The following OTUD7A variants were observed in gnomAD, a reference collection of about 807,000 sequenced individuals.
OTUD7A encodes OTU deubiquitinase 7A, also known as OTU domain-containing protein 7A.
A neutral mutation model predicts 65.7 loss-of-function variants in OTUD7A; 12 were observed. The ratio of observed to expected loss-of-function variants is 0.18; its 90% CI spans 0.12 to 0.30. The LOEUF (loss-of-function observed/expected upper bound fraction) is 0.30, where lower values mean the gene tolerates loss of function less well. OTUD7A is among the 10% of genes least tolerant of loss of function. The pLI, the probability that OTUD7A is intolerant of heterozygous loss-of-function variation, is 1.00. For missense variants in OTUD7A, 1,148 were observed against 1,304.8 expected, an observed-to-expected ratio of 0.88 and a Z score of 1.85; for synonymous variants, 641 against 586.3, an observed-to-expected ratio of 1.09 and a Z score of -1.35.
chr15:31,861,081 G>A (rs1897729346), intron 1 of OTUD7A, among the ~76,000 whole-genome samples: 1 of 152,004 alleles, frequency 6.6e-6, no homozygotes, highest in African/African-American at 2.4e-5. Context: ...GCATTGAGCA[G>A]GGCTTCCCTT....
intron 3 of OTUD7A, among the ~76,000 whole-genome samples, chr15:31,590,572 A>G (rs986625470): frequency 3.9e-5 from 6 of 152,236 alleles, no homozygotes; most frequent in Admixed American, 6.5e-5. Context: ...CTTATTCCAC[A>G]GACGAAATTA....
chr15:31,648,784 T>C (rs1405584356), intron 3 of OTUD7A, among the ~76,000 whole-genome samples: 1 of 152,174 alleles, frequency 6.6e-6, no homozygotes, highest in East Asian at 1.9e-4. Context: ...GTTTTCAAGA[T>C]GGAGTCTCGC....
chr15:31,870,072 T>G (rs1897985192), intron 1 of OTUD7A, among the ~76,000 whole-genome samples: 1 of 150,256 alleles, frequency 6.7e-6, no homozygotes, highest in African/African-American at 2.4e-5. Flanking sequence ...GGCCGGGCCC[T>G]GCCCGGCCGT....
intron 3 of OTUD7A, among the ~76,000 whole-genome samples, chr15:31,608,603 C>A (rs1890304735): frequency 6.6e-6 from 1 of 152,152 alleles, no homozygotes; most frequent in Non-Finnish European, 1.5e-5. Flanking sequence ...CATCCTAAAT[C>A]AAAAATACTG....
chr15:31,670,950 GCA>G (rs1401851482), intron 1 of OTUD7A, among the ~76,000 whole-genome samples: 71 of 151,754 alleles, frequency 4.7e-4, no homozygotes, highest in African/African-American at 1.3e-3. Flanking sequence ...AGCCGAGATT[GCA>G]CCACTGCACT....
intron 8 of OTUD7A, among the ~76,000 whole-genome samples, chr15:31,518,456 G>C (rs942692793): frequency 6.6e-6 from 1 of 151,338 alleles, no homozygotes; most frequent in African/African-American, 2.4e-5. Flanking sequence ...CTGGGTGACA[G>C]AGCGAGACTC....
intron 3 of OTUD7A, among the ~76,000 whole-genome samples, chr15:31,633,958 T>C (rs1891257517): frequency 6.6e-6 from 1 of 152,192 alleles, no homozygotes; most frequent in African/African-American, 2.4e-5. Flanking sequence ...CTCCTCTGTG[T>C]CTCACTCGAC....
In OTUD7A at chr15:31,515,818, TATCCATCC is replaced by T. The variant is rs530450665; in HGVS notation, c.893+10523_893+10530del. Among the ~76,000 whole-genome samples the T allele has an allele frequency of 2.7e-3, 387 of 144,906 alleles. 1 individual carries two copies. The highest frequency in any genetic ancestry group is 8.1e-3 in the South Asian group (36 of 4,424). On this transcript the variant is annotated intron_variant, in intron 8 of 12. Transcript: ENST00000307050. ...CTGTCCATCCACCCACATGTCCATC[TATCCATCC>T]ATCCATCCATCTGTCCATCCATTCA...
At chr15:31,574,166 T>G (rs1595621763) in intron 3 of OTUD7A, among the ~76,000 whole-genome samples, 1 of 152,154 alleles carries the variant, frequency 6.6e-6, no homozygotes, top group African/African-American at 2.4e-5. Flanking sequence ...CCACTAGTTA[T>G]AAACATAATT....
intron 3 of OTUD7A, among the ~76,000 whole-genome samples, chr15:31,586,649 A>G (rs1355557913): frequency 1.3e-5 from 2 of 152,154 alleles, no homozygotes; most frequent in Non-Finnish European, 1.5e-5. Context: ...GTTAAAAACA[A>G]CACGATTGGC....
chr15:31,672,488 A>T (rs981046608), intron 1 of OTUD7A, among the ~76,000 whole-genome samples: 3 of 152,214 alleles, frequency 2.0e-5, no homozygotes, highest in African/African-American at 7.2e-5. Flanking sequence ...GCCCACAATT[A>T]CATTGATCGT....
At chr15:31,546,419 G>C (rs1443855742) in intron 5 of OTUD7A, among the ~76,000 whole-genome samples, 2 of 152,170 alleles carry the variant, frequency 1.3e-5, no homozygotes, top group Non-Finnish European at 2.9e-5. Context: ...ATTAAATGAG[G>C]TTATAAGGGT....
chr15:31,693,751 T>C (rs1296926776), intron 1 of OTUD7A, among the ~76,000 whole-genome samples: 1 of 152,056 alleles, frequency 6.6e-6, no homozygotes, highest in Non-Finnish European at 1.5e-5. Flanking sequence ...ATCCAGCCCC[T>C]TGGTGTCACT....
At chr15:31,518,636 C>T (rs995156072) in intron 8 of OTUD7A, among the ~76,000 whole-genome samples, 1 of 152,260 alleles carries the variant, frequency 6.6e-6, no homozygotes, top group African/African-American at 2.4e-5. Context: ...GAGACACCCA[C>T]AGCACAGTAG....
chr15:31,846,070 C>T (rs1360471029), intron 1 of OTUD7A, among the ~76,000 whole-genome samples: 1 of 152,250 alleles, frequency 6.6e-6, no homozygotes, highest in Non-Finnish European at 1.5e-5. Context: ...GGCTCTCGGG[C>T]TTCAAGCCCC....
chr15:31,808,098 AACAC>A (rs55911531), intron 1 of OTUD7A, among the ~76,000 whole-genome samples: 347 of 95,864 alleles, frequency 3.6e-3, no homozygotes, highest in African/African-American at 0.011. Flanking sequence ...ACAAATGCCA[AACAC>A]ACACACACAC....
chr15:31,488,055 T>C (rs1278604846), intron 10 of OTUD7A, among the ~76,000 whole-genome samples: 1 of 152,084 alleles, frequency 6.6e-6, no homozygotes, highest in African/African-American at 2.4e-5. Flanking sequence ...CTGGGACCCA[T>C]GGACCCACCC....
chr15:31,716,999 A>G (rs1463071890), intron 1 of OTUD7A, among the ~76,000 whole-genome samples: 1 of 152,244 alleles, frequency 6.6e-6, no homozygotes, highest in Non-Finnish European at 1.5e-5. Context: ...AATAGTATAC[A>G]GAATTCCTAC....
chr15:31,533,277 C>G lies in OTUD7A; in HGVS notation c.551-2469G>C, dbSNP rs142406723. On this transcript the variant is annotated intron_variant, in intron 5 of 12. Transcript: ENST00000307050. ...TTTGAGACAGAGTCTTGCTCTGTCA[C>G]CCAGGCTGGAGTGCAGTGGTGCAAT... Among the ~76,000 whole-genome samples the G allele has an allele frequency of 3.2e-3, 476 of 148,500 alleles. 3 individuals carry two copies. The highest frequency in any genetic ancestry group is 0.011 in the African/African-American group (456 of 39,932).
Sources: gnomAD v4.1 joint callset for allele counts (sites outside exome capture counted in the v4.1 genomes callset) on GRCh38, gnomAD v4.1.1 for gene constraint, MANE v1.5 for transcripts, NCBI Gene and HGNC (gene_info 2026-07-23, HGNC 2026-07-21) for gene names.